GPC6: variants seen among roughly 807,000 people sequenced by gnomAD.
GPC6 encodes glypican 6, also known as glypican-6.
GPC6 carries 14 observed loss-of-function variants against 55.2 expected under a neutral mutation model. That is an observed-to-expected ratio of 0.25 (90% CI 0.17 to 0.40). The LOEUF is 0.40. Ranked by LOEUF, GPC6 falls within the 10% of genes least tolerant of loss-of-function variation. GPC6 has a pLI of 1.00. For missense variants in GPC6, 641 were observed against 708.5 expected (o/e 0.90, Z 1.08); for synonymous variants, 278 against 259.6 (o/e 1.07, Z -0.68).
intron 2 of GPC6, among the ~76,000 whole-genome samples, chr13:93,790,482 T>C (rs909669457): frequency 4.6e-5 from 7 of 152,184 alleles, no homozygotes; most frequent in African/African-American, 1.7e-4. Flanking sequence ...GGATATCAGA[T>C]TTATTATTGG....
intron 2 of GPC6, among the ~76,000 whole-genome samples, chr13:93,588,694 C>T (rs1390633571): frequency 2.0e-5 from 3 of 152,126 alleles, no homozygotes; most frequent in African/African-American, 7.2e-5. Flanking sequence ...AGCAATGCCA[C>T]ACACTTTTAA....
At chr13:94,325,870 A>G (rs1381546704) in intron 6 of GPC6, among the ~76,000 whole-genome samples, 7 of 152,208 alleles carry the variant, frequency 4.6e-5, no homozygotes, top group African/African-American at 7.2e-5. Context: ...CAAGACGACA[A>G]TGAGACCAGA....
At position 93,277,839 on chromosome 13, in the gene GPC6, G is replaced by T. The variant is rs73554206; in HGVS notation, c.160+50223G>T. 4.8e-3 allele frequency among the ~76,000 whole-genome samples: 724 copies of T among 152,250 alleles called. 3 individuals are homozygous for T. The highest frequency in any genetic ancestry group is 0.015 in the African/African-American group (628 of 41,552). On this transcript the variant is annotated intron_variant, in intron 1 of 8. Transcript: ENST00000377047. Reference sequence around the variant, plus strand: ...GAAGCTTTTTGAATAAATGATGGGAGAAATTTTCTTTTATTGAAATTAAGG... The same window carrying T: ...GAAGCTTTTTGAATAAATGATGGGATAAATTTTCTTTTATTGAAATTAAGG...
At chr13:93,697,091 C>T (rs1004553380) in intron 2 of GPC6, among the ~76,000 whole-genome samples, 16 of 152,082 alleles carry the variant, frequency 1.1e-4, no homozygotes, top group Non-Finnish European at 8.8e-5. Flanking sequence ...AAATCATCCC[C>T]GCATCATGTT....
intron 1 of GPC6, among the ~76,000 whole-genome samples, chr13:93,472,936 C>A (rs1187503383): frequency 6.6e-6 from 1 of 152,192 alleles, no homozygotes; most frequent in African/African-American, 2.4e-5. Flanking sequence ...CTCTTCTCTG[C>A]AGACAGATTG....
chr13:93,362,304 C>T (rs4771872), intron 1 of GPC6, among the ~76,000 whole-genome samples: 11,233 of 152,142 alleles, frequency 0.074, 487 homozygotes, highest in East Asian at 0.12. Flanking sequence ...GTTTTGGTTC[C>T]TCTGAATGTA....
chr13:93,226,694 TTTC>T (rs1173745851), upstream of GPC6: 9 of 152,160 alleles, frequency 5.9e-5, no homozygotes, highest in Non-Finnish European at 8.8e-5. Context: ...TACGTTTCTT[TTTC>T]TTTTTTTCCC....
chr13:93,820,572 G>A (rs7998863), intron 2 of GPC6, among the ~76,000 whole-genome samples: 57,648 of 150,984 alleles, frequency 0.38, 11,846 homozygotes, highest in African/African-American at 0.53. Context: ...TTAAAAGATA[G>A]TTTAAATTTC....
Position 93,708,425 on chromosome 13 carries a change from C to G in GPC6, c.320-121729C>G, listed in dbSNP as rs555389215. ...CAAAGATAGCAAATACTACAAATGT[C>G]TTAAATGGCATTGTGCTCAGTTTAT... On this transcript the variant is annotated intron_variant, in intron 2 of 8. Transcript: ENST00000377047. Among the ~76,000 whole-genome samples, 34 of 151,858 alleles carry G rather than the reference C, an allele frequency of 2.2e-4. No individual in the cohort carries two copies. The South Asian group carries it at 6.8e-3, about 31-fold the overall frequency.
intron 4 of GPC6, among the ~76,000 whole-genome samples, chr13:94,079,999 A>T (rs1043740458): frequency 5.9e-5 from 9 of 152,232 alleles, no homozygotes; most frequent in African/African-American, 1.9e-4. Flanking sequence ...TTAATGAGTC[A>T]TAAGAAATGC....
At chr13:94,019,997 T>A (rs1882635010) in intron 3 of GPC6, among the ~76,000 whole-genome samples, 1 of 152,172 alleles carries the variant, frequency 6.6e-6, no homozygotes, top group Non-Finnish European at 1.5e-5. Flanking sequence ...CTCTGCTGTT[T>A]CTCTATTTGC....
At chr13:94,140,012 C>A (rs928689678) in intron 4 of GPC6, among the ~76,000 whole-genome samples, 1 of 151,788 alleles carries the variant, frequency 6.6e-6, no homozygotes, top group Non-Finnish European at 1.5e-5. Context: ...TTCATTATAT[C>A]ATCATGAGAA....
intron 4 of GPC6, among the ~76,000 whole-genome samples, chr13:94,249,863 A>G (rs766602692): frequency 6.6e-6 from 1 of 152,142 alleles, no homozygotes; most frequent in Non-Finnish European, 1.5e-5. Context: ...GTAAGTTGCA[A>G]TTTGCACCTC....
chr13:94,147,446 TC>T (rs1887603305), intron 4 of GPC6, among the ~76,000 whole-genome samples: 1 of 152,182 alleles, frequency 6.6e-6, no homozygotes, highest in Non-Finnish European at 1.5e-5. Context: ...GCAAGTTATC[TC>T]AATGCTCTAA....
intron 3 of GPC6, among the ~76,000 whole-genome samples, chr13:93,925,126 A>C (rs1209400611): frequency 6.6e-6 from 1 of 152,160 alleles, no homozygotes; most frequent in Non-Finnish European, 1.5e-5. Flanking sequence ...CCTCCCAACA[A>C]ACACATAAGT....
chr13:94,271,410 T>C (rs1892020570), intron 4 of GPC6, among the ~76,000 whole-genome samples: 1 of 136,654 alleles, frequency 7.3e-6, no homozygotes, highest in Non-Finnish European at 1.6e-5. Context: ...ACACACACAC[T>C]CCATCATGCC....
chr13:93,995,192 TA>T (rs1881484752), intron 3 of GPC6, among the ~76,000 whole-genome samples: 1 of 151,780 alleles, frequency 6.6e-6, no homozygotes, highest in Non-Finnish European at 1.5e-5. Context: ...TATTTTATTT[TA>T]TTTTATTTTT....
chr13:94,005,897 T>C lies in GPC6; in HGVS notation c.712-21832T>C, dbSNP rs189832351. Among the ~76,000 whole-genome samples, 73 of 152,294 alleles carry C rather than the reference T, an allele frequency of 4.8e-4. 1 individual carries two copies. The highest frequency in any genetic ancestry group is 1.0e-4 in the Non-Finnish European group (7 of 68,036). On this transcript the variant is annotated intron_variant, in intron 3 of 8. Coordinates refer to ENST00000377047, the MANE Select transcript of GPC6 (RefSeq NM_005708.5). Reference sequence around the variant, plus strand: ...ATAAGTGTCTAAATTAGATCAGTTATTTTTTCAATAATCTTTAATACTCTC... The same window carrying C: ...ATAAGTGTCTAAATTAGATCAGTTACTTTTTCAATAATCTTTAATACTCTC...
chr13:93,310,897 A>G (rs1879043851), intron 1 of GPC6, among the ~76,000 whole-genome samples: 1 of 152,124 alleles, frequency 6.6e-6, no homozygotes, highest in Non-Finnish European at 1.5e-5. Flanking sequence ...AACTACTACT[A>G]TTTTATTATA....
Sources: gnomAD v4.1 joint callset for allele counts (sites outside exome capture counted in the v4.1 genomes callset) on GRCh38, gnomAD v4.1.1 for gene constraint, MANE v1.5 for transcripts, NCBI Gene and HGNC (gene_info 2026-07-23, HGNC 2026-07-21) for gene names.